MBD5: variants seen among roughly 807,000 people sequenced by gnomAD.
The protein encoded by MBD5 is methyl-CpG-binding domain protein 5.
MBD5 carries 13 observed loss-of-function variants against 117.3 expected under a neutral mutation model. The observed-to-expected ratio is 0.11, with a 90% CI of 0.07 to 0.18. The LOEUF is 0.18. MBD5 is among the 10% of genes least tolerant of loss of function. MBD5 has a pLI of 1.00. For synonymous variants in MBD5, 727 were observed against 766.4 expected, an observed-to-expected ratio of 0.95 and a Z score of 0.85; for missense variants, 1,879 against 2,093.8, an observed-to-expected ratio of 0.90 and a Z score of 2.00.
chr2:148,222,597 G>A lies in MBD5; in HGVS notation c.-830-10648G>A, dbSNP rs542034189. Among the ~76,000 whole-genome samples, 4 of 151,820 alleles carry A rather than the reference G, an allele frequency of 2.6e-5. No individual in the cohort carries two copies. In the South Asian group the frequency reaches 8.3e-4, roughly 32 times the overall value. On this transcript the variant is annotated intron_variant, in intron 2 of 13. Transcript: ENST00000642680. ...TTTGAAATGCTACTGTTTTTTGTAG[G>A]TGGATTTTATATCCTGCAACTTTAC...
At chr2:148,358,471 T>G (rs1028592643) in intron 4 of MBD5, among the ~76,000 whole-genome samples, 1 of 152,118 alleles carries the variant, frequency 6.6e-6, no homozygotes, top group Admixed American at 6.5e-5. Context: ...CAATACTTTC[T>G]CCTATTATAA....
intron 4 of MBD5, among the ~76,000 whole-genome samples, chr2:148,384,758 A>G (rs1361031819): frequency 3.3e-5 from 5 of 152,118 alleles, no homozygotes; most frequent in African/African-American, 1.2e-4. Flanking sequence ...TGGTACCAAA[A>G]CAGAGATATA....
At chr2:148,051,394 T>C (rs773183875) in intron 1 of MBD5, among the ~76,000 whole-genome samples, 2 of 152,080 alleles carry the variant, frequency 1.3e-5, no homozygotes, top group African/African-American at 2.4e-5. Context: ...TGGATGTCTT[T>C]TCATTTCTGT....
At chr2:148,100,265 T>C (rs369840652) in intron 1 of MBD5, among the ~76,000 whole-genome samples, 3 of 152,294 alleles carry the variant, frequency 2.0e-5, no homozygotes, top group East Asian at 3.9e-4. Flanking sequence ...GAGCCATGCA[T>C]TGACTATGAA....
At chr2:148,398,972 G>T (rs1051755815) in intron 4 of MBD5, among the ~76,000 whole-genome samples, 1 of 152,258 alleles carries the variant, frequency 6.6e-6, no homozygotes, top group Admixed American at 6.5e-5. Context: ...TAGATATGTG[G>T]CATTATTTCT....
At chr2:148,085,142 G>A (rs1013922473) in intron 1 of MBD5, among the ~76,000 whole-genome samples, 1 of 152,196 alleles carries the variant, frequency 6.6e-6, no homozygotes. Flanking sequence ...GAACAACATT[G>A]CTCAGGTCCA....
At chr2:148,341,062 A>G (rs1702932545) in intron 3 of MBD5, among the ~76,000 whole-genome samples, 1 of 151,834 alleles carries the variant, frequency 6.6e-6, no homozygotes, top group African/African-American at 2.4e-5. Flanking sequence ...TTTCTGTGAG[A>G]CCCCACTTGA....
At chr2:148,160,227 G>A (rs1387964131) in intron 1 of MBD5, among the ~76,000 whole-genome samples, 6 of 152,096 alleles carry the variant, frequency 3.9e-5, no homozygotes, top group East Asian at 1.9e-4. Context: ...ATGAAACCCC[G>A]TCTCTACTAA....
At position 148,433,506 on chromosome 2, in the gene MBD5, T is replaced by C. The variant is rs116082869; in HGVS notation, c.-556-24697T>C. ...TGGGTTTGTCATGGATGGCTCTTAT[T>C]ACTTTGAAGTATGTTCCTTCAATGC... On this transcript the variant is annotated intron_variant, in intron 4 of 13. Transcript: ENST00000642680. 5.5e-3 allele frequency among the ~76,000 whole-genome samples: 832 copies of C among 152,336 alleles called. 7 individuals carry two copies. Among genetic ancestry groups the C allele is most frequent in the Non-Finnish European group, 7.7e-3 (526 of 68,030 alleles).
intron 11 of MBD5, among the ~76,000 whole-genome samples, chr2:148,499,664 A>G (rs756864816): frequency 2.0e-5 from 3 of 152,208 alleles, no homozygotes; most frequent in Non-Finnish European, 2.9e-5. Flanking sequence ...TAACCTTTTT[A>G]ATGTTACATT....
rs144805912 is a variant in MBD5, at chr2:148,483,115, T to C, written c.2524T>C (p.Ser842Pro). Residue 842 changes from serine (S) to proline (P), a missense_variant, in exon 9 of 14, where the codon TCA becomes CCA. Around this residue, in one of 4 missense-constraint regions of MBD5, gnomAD observed 1,666 missense variants for 1,792.2 expected, o/e 0.93. Transcript: ENST00000642680. ...YNQTSSEAGG[S>P]GPSSSIAIAG... ...TTTTTTTTTTTTCATTTTAGGCGGT[T>C]CAGGACCATCATCCTCCATAGCCAT... 6.2e-7 allele frequency: 1 copy of C among 1,610,654 alleles called. No individual in the cohort carries two copies. Among genetic ancestry groups the C allele is most frequent in the African/African-American group, 1.3e-5 (1 of 74,642 alleles).
chr2:148,236,707 T>C (rs1700099120), intron 3 of MBD5, among the ~76,000 whole-genome samples: 1 of 152,188 alleles, frequency 6.6e-6, no homozygotes, highest in Non-Finnish European at 1.5e-5. Flanking sequence ...TAAATGAGCA[T>C]TGGCTTGAAC....
intron 1 of MBD5, among the ~76,000 whole-genome samples, chr2:148,109,225 C>T (rs1458913344): frequency 1.3e-5 from 2 of 152,048 alleles, no homozygotes; most frequent in Admixed American, 6.6e-5. Context: ...GTGGAGGCTG[C>T]CGTGAGCCAT....
intron 3 of MBD5, among the ~76,000 whole-genome samples, chr2:148,256,803 G>A (rs780191468): frequency 6.6e-6 from 1 of 152,212 alleles, no homozygotes; most frequent in Non-Finnish European, 1.5e-5. Flanking sequence ...AGGCCCCATG[G>A]CCTTAGGCCC....
At position 148,095,752 on chromosome 2, in the gene MBD5, G is replaced by A. The variant is rs145170327; in HGVS notation, c.-925+74068G>A. On this transcript the variant is annotated intron_variant, in intron 1 of 13. Coordinates refer to ENST00000642680, the MANE Select transcript of MBD5 (RefSeq NM_001378120.1). ...TAGTTTTTTTTTTTTAACTTTTCTG[G>A]CTACCTTCATCAGACTTGAGAAAAA... is the stretch of plus-strand genomic sequence containing the variant. 2.9e-4 allele frequency among the ~76,000 whole-genome samples: 44 copies of A among 150,754 alleles called. No individual in the cohort carries two copies. The East Asian group carries it at 7.2e-3, about 25-fold the overall frequency.
intron 4 of MBD5, among the ~76,000 whole-genome samples, chr2:148,351,587 G>C (rs1703250904): frequency 6.6e-6 from 1 of 151,766 alleles, no homozygotes; most frequent in African/African-American, 2.4e-5. Context: ...TACAATATTA[G>C]TGTATTTATA....
chr2:148,312,027 C>T (rs79557616), intron 3 of MBD5, among the ~76,000 whole-genome samples: 2 of 152,212 alleles, frequency 1.3e-5, no homozygotes, highest in African/African-American at 4.8e-5. Context: ...TGCTGATAAT[C>T]TGATGGGATT....
chr2:148,140,121 T>C (rs562061500), intron 1 of MBD5, among the ~76,000 whole-genome samples: 11 of 152,210 alleles, frequency 7.2e-5, no homozygotes, highest in Non-Finnish European at 1.6e-4. Context: ...ATTTGAAATA[T>C]TGGTAATGTC....
At chr2:148,494,309 T>G (rs1305092816) in intron 11 of MBD5, among the ~76,000 whole-genome samples, 2 of 152,206 alleles carry the variant, frequency 1.3e-5, no homozygotes, top group Non-Finnish European at 2.9e-5. Context: ...CATATCTGAT[T>G]ATAAGCTAGT....
Sources: allele counts gnomAD v4.1 joint callset (sites outside exome capture counted in the v4.1 genomes callset), GRCh38; gene constraint gnomAD v4.1.1; regional missense constraint gnomAD v4.1.1; transcripts MANE v1.5; gene names NCBI Gene and HGNC (gene_info 2026-07-23, HGNC 2026-07-21).